The following TBCK variants were observed in gnomAD, a reference collection of about 807,000 sequenced individuals.
TBCK encodes the protein TBC1 domain containing kinase.
A neutral mutation model predicts 113.4 loss-of-function variants in TBCK; 99 were observed. That is an observed-to-expected ratio of 0.87 (90% CI 0.74 to 1.03). The LOEUF is 1.03. Ranked by LOEUF, TBCK falls within the 50% of genes least tolerant of loss-of-function variation. TBCK has a pLI of 0.00. For synonymous variants in TBCK, 369 were observed against 370.8 expected (o/e 1.00, Z 0.05); for missense variants, 1,045 against 1,061.3 (o/e 0.98, Z 0.21).
intron 23 of TBCK, among the ~76,000 whole-genome samples, chr4:106,148,237 T>C (rs1250908801): frequency 6.6e-6 from 1 of 152,216 alleles, no homozygotes; most frequent in African/African-American, 2.4e-5. Context: ...TGATATTCTA[T>C]TACCTTGTGG....
chr4:106,049,594 G>A (rs1734586728), intron 25 of TBCK, among the ~76,000 whole-genome samples: 1 of 152,004 alleles, frequency 6.6e-6, no homozygotes, highest in African/African-American at 2.4e-5. Context: ...TATACAGTGG[G>A]ACAGGGGAGA....
chr4:106,071,383 TC>T (rs1211449316), intron 25 of TBCK, among the ~76,000 whole-genome samples: 1 of 152,194 alleles, frequency 6.6e-6, no homozygotes, highest in African/African-American at 2.4e-5. Context: ...AGCAGGTTGT[TC>T]AGTTTCCATG....
At chr4:106,263,484 CAG>C (rs980496783) in intron 3 of TBCK, among the ~76,000 whole-genome samples, 1 of 151,672 alleles carries the variant, frequency 6.6e-6, no homozygotes, top group African/African-American at 2.4e-5. Context: ...AATGGACTAA[CAG>C]ATTGCCATGG....
At chr4:106,128,320 ATTCT>A (rs746630294) in intron 23 of TBCK, among the ~76,000 whole-genome samples, 4 of 152,212 alleles carry the variant, frequency 2.6e-5, no homozygotes, top group Non-Finnish European at 4.4e-5. Flanking sequence ...TGAGACAGCT[ATTCT>A]TTATCTTAAA....
intron 2 of TBCK, among the ~76,000 whole-genome samples, chr4:106,303,313 T>C (rs2125876416): frequency 6.6e-6 from 1 of 152,290 alleles, no homozygotes; most frequent in Non-Finnish European, 1.5e-5. Flanking sequence ...CTTGATACTC[T>C]ACACCAGTGC....
At chr4:106,244,791 T>G in intron 10 of TBCK, 27 bp from the exon 11 acceptor site, 1 of 1,386,480 alleles carries the variant, frequency 7.2e-7, no homozygotes, top group Non-Finnish European at 9.9e-7. Flanking sequence ...TAAGGAATCA[T>G]TGTATTATAT....
intron 19 of TBCK, among the ~76,000 whole-genome samples, chr4:106,229,997 T>C (rs1469795572): frequency 1.3e-5 from 2 of 151,986 alleles, no homozygotes; most frequent in Non-Finnish European, 1.5e-5. Context: ...GTATTTTTAA[T>C]ACTCTGCTTA....
intron 23 of TBCK, among the ~76,000 whole-genome samples, chr4:106,158,872 A>T (rs6821561): frequency 0.77 from 116,847 of 152,028 alleles, 45,784 homozygotes; most frequent in African/African-American, 0.94. Context: ...ATGTCCCTTA[A>T]GAATATTGAA....
At position 106,043,142 on chromosome 4, in the gene TBCK, ACTT is replaced by A. The variant is rs1481202306; in HGVS notation, c.*3425_*3427del. The A allele has an allele frequency of 2.0e-5, 3 of 152,090 alleles. No homozygotes were observed. Among genetic ancestry groups the A allele is most frequent in the Non-Finnish European group, 4.4e-5 (3 of 68,020 alleles). The allele number at this position is 152,090 out of a possible 1,614,324, so 9.4% of individuals were successfully genotyped here. ...TCCTTTTCATTTCTGACATCAAAAA[ACTT>A]CTTTCTTTCAAACTTGGTTAAGCAT... On this transcript the variant is annotated 3_prime_UTR_variant, in exon 26 of 26. Transcript: ENST00000394708.
intron 11 of TBCK, among the ~76,000 whole-genome samples, 191 bp downstream of exon 11, chr4:106,244,435 A>G (rs1760526726): frequency 6.6e-6 from 1 of 152,134 alleles, no homozygotes; most frequent in Non-Finnish European, 1.5e-5. Flanking sequence ...GCAATTAGAA[A>G]CTTTGGCCAA....
At chr4:106,316,335 A>C (rs1035162697), upstream of TBCK, 2 of 565,704 alleles carry the variant, frequency 3.5e-6, no homozygotes, top group Middle Eastern at 3.2e-4. Context: ...ATATAGCGAG[A>C]GAGAAAGAGG....
At chr4:106,271,940 CT>C (rs1282149368) in intron 3 of TBCK, among the ~76,000 whole-genome samples, 1 of 152,050 alleles carries the variant, frequency 6.6e-6, no homozygotes, top group East Asian at 1.9e-4. Flanking sequence ...CTGCTGGGTT[CT>C]ACTCCCTGCA....
chr4:106,235,193 T>C (rs1467400527), intron 15 of TBCK, 76 bp downstream of exon 15: 5 of 899,688 alleles, frequency 5.6e-6, no homozygotes, highest in African/African-American at 5.1e-5. Flanking sequence ...GAAAAATATA[T>C]ATTTGGAAAG....
At chr4:106,284,191 G>T (rs1764899477) in intron 3 of TBCK, among the ~76,000 whole-genome samples, 3 of 151,998 alleles carry the variant, frequency 2.0e-5, no homozygotes, top group Non-Finnish European at 4.4e-5. Context: ...AATGCATTTT[G>T]AAACTACGGT....
In TBCK at chr4:106,164,772, A is replaced by G. The variant is rs368798765; in HGVS notation, c.2235+6323T>C. Among the ~76,000 whole-genome samples, 3 of 151,704 alleles carry G rather than the reference A, an allele frequency of 2.0e-5. No homozygotes were observed. In the East Asian group the frequency reaches 5.8e-4, roughly 29 times the overall value. On this transcript the variant is annotated intron_variant, in intron 23 of 25. Coordinates refer to ENST00000394708, the MANE Select transcript of TBCK (RefSeq NM_001163435.3). ...TAATCTAAAAAGTAGTGTTGTTATTATTGAGATGAAACTTTGTAGACTGGC... is the reference window on the plus strand; with the variant it reads ...TAATCTAAAAAGTAGTGTTGTTATTGTTGAGATGAAACTTTGTAGACTGGC...
chr4:106,049,164 C>T (rs1256416068), intron 25 of TBCK, among the ~76,000 whole-genome samples: 1 of 152,044 alleles, frequency 6.6e-6, no homozygotes, highest in Admixed American at 6.6e-5. Context: ...CTCAGTTATT[C>T]GGTCATTCAT....
chr4:106,298,956 G>A (rs1303930320), intron 2 of TBCK, among the ~76,000 whole-genome samples: 3 of 152,104 alleles, frequency 2.0e-5, no homozygotes, highest in Admixed American at 6.5e-5. Flanking sequence ...GGCCTTCTTG[G>A]AACATATCCC....
chr4:106,116,112 AT>A (rs564063702), intron 24 of TBCK, 90 bp downstream of exon 24: 64,384 of 907,540 alleles, frequency 0.071, 15 homozygotes, highest in South Asian at 0.097. Flanking sequence ...GAATCCCAGA[AT>A]TTTTTTTTTT....
At position 106,233,647 on chromosome 4, in the gene TBCK, C is replaced by T. The variant is rs1250554748; in HGVS notation, c.1453G>A (p.Ala485Thr). Residue 485 changes from alanine to threonine, a missense_variant, in exon 16 of 26, where the codon GCT (alanine) becomes ACT (threonine). Transcript: ENST00000394708. ...TWAALLGVEG[A>T]IHAKYDAIDK... ...ATTGCATCGTACTTGGCATGAATAG[C>T]TCCCTGCAAAAAATAAAAGAAGATA... The T allele has an allele frequency of 9.3e-6, 15 of 1,605,278 alleles. No individual in the cohort carries two copies. Among genetic ancestry groups the T allele is most frequent in the Non-Finnish European group, 1.2e-5 (14 of 1,174,296 alleles).
Sources: allele counts gnomAD v4.1 joint callset (sites outside exome capture counted in the v4.1 genomes callset), GRCh38; gene constraint gnomAD v4.1.1; transcripts MANE v1.5; gene names NCBI Gene and HGNC (gene_info 2026-07-23, HGNC 2026-07-21).